DNASE1: variants seen among roughly 807,000 people sequenced by gnomAD.
DNASE1 encodes deoxyribonuclease-1.
Under a neutral mutation model 33.9 loss-of-function variants are expected in DNASE1, and 40 were observed. The ratio of observed to expected loss-of-function variants is 1.18; its 90% CI spans 0.92 to 1.54. The LOEUF (loss-of-function observed/expected upper bound fraction) is 1.54, where lower values mean the gene tolerates loss of function less well. Among genes scored for constraint, DNASE1 ranks in the 40% most tolerant of loss-of-function variants. DNASE1 has a pLI of 0.00. For missense variants in DNASE1, 518 were observed against 372.6 expected (o/e 1.39, Z -3.21); for synonymous variants, 216 against 160.0 (o/e 1.35, Z -2.64).
downstream of DNASE1, chr16:3,662,914 T>C: frequency 1.2e-6 from 2 of 1,613,356 alleles, no homozygotes; most frequent in Non-Finnish European, 1.7e-6. Context: ...CCCAGCACAT[T>C]TCTCATCCAG....
chr16:3,619,575 A>G (rs1434932782), intron 1 of DNASE1, among the ~76,000 whole-genome samples: 1 of 143,152 alleles, frequency 7.0e-6, no homozygotes, highest in Non-Finnish European at 1.5e-5. Flanking sequence ...GTTAGCCAGG[A>G]TGGTCTCTAT....
At chr16:3,645,981 C>CT (rs201036503) in intron 1 of DNASE1, among the ~76,000 whole-genome samples, 3,544 of 152,232 alleles carry the variant, frequency 0.023, 68 homozygotes, top group Non-Finnish European at 0.036. Context: ...CCTTTGTCCT[C>CT]TAAGATGCTC....
downstream of DNASE1, chr16:3,662,483 A>T: frequency 1.9e-6 from 1 of 520,752 alleles, no homozygotes; most frequent in Non-Finnish European, 3.5e-6. Flanking sequence ...TGAGCTAGAC[A>T]GGTTGGTGGG....
At chr16:3,645,734 T>A (rs1235437821) in intron 1 of DNASE1, among the ~76,000 whole-genome samples, 1 of 152,220 alleles carries the variant, frequency 6.6e-6, no homozygotes, top group Non-Finnish European at 1.5e-5. Context: ...GTGCAGCTGT[T>A]GTAAGTCTTT....
intron 1 of DNASE1, among the ~76,000 whole-genome samples, chr16:3,614,453 C>G (rs951456907): frequency 6.6e-6 from 1 of 152,230 alleles, no homozygotes; most frequent in Non-Finnish European, 1.5e-5. Context: ...GAAATAGGAA[C>G]AAGGAGAAAG....
intron 1 of DNASE1, among the ~76,000 whole-genome samples, chr16:3,628,895 G>T (rs1295076842): frequency 5.4e-4 from 79 of 147,528 alleles, no homozygotes; most frequent in Admixed American, 4.5e-3. Flanking sequence ...TTTTAGGCTG[G>T]GCGCAGTGGC....
rs529719321 is a variant in DNASE1 at position 3,646,568 on chromosome 16, C to T, written c.-86+3532C>T. 1.2e-4 allele frequency among the ~76,000 whole-genome samples: 19 copies of T among 152,202 alleles called. 1 individual carries two copies. Among genetic ancestry groups the T allele is most frequent in the Admixed American group, 1.2e-3 (18 of 15,274 alleles). ...AGCTGAAACTGGAATGACAAGAAGGCCCCAGCTCTGCAGGCAGAGCGGAAG... is the reference window on the plus strand; with the variant it reads ...AGCTGAAACTGGAATGACAAGAAGGTCCCAGCTCTGCAGGCAGAGCGGAAG... On this transcript the variant is annotated intron_variant, in intron 1 of 9. Coordinates refer to the DNASE1 transcript ENST00000407479.
intron 1 of DNASE1, among the ~76,000 whole-genome samples, chr16:3,613,140 C>T (rs1262780485): frequency 1.3e-5 from 2 of 152,104 alleles, no homozygotes; most frequent in East Asian, 1.9e-4. Context: ...CTCCGCAATT[C>T]CCCCGACCCC....
upstream of DNASE1, chr16:3,641,257 T>A (rs1343013981): frequency 1.1e-5 from 3 of 262,160 alleles, no homozygotes; most frequent in African/African-American, 2.2e-5. Context: ...CGCATTTACG[T>A]AGTGAGAGGT....
upstream of DNASE1, chr16:3,653,342 AT>A (rs1316948940): frequency 3.3e-5 from 5 of 152,192 alleles, no homozygotes; most frequent in African/African-American, 1.2e-4. Flanking sequence ...CATTTCTGTT[AT>A]TTTAAGCAAC....
Position 3,645,928 on chromosome 16 carries a change from A to T in DNASE1, c.-86+2892A>T, listed in dbSNP as rs1272812937. 3.3e-5 allele frequency among the ~76,000 whole-genome samples: 5 copies of T among 152,216 alleles called. 1 individual carries two copies. In the South Asian group the frequency reaches 1.0e-3, roughly 32 times the overall value. ...TGGGACATGGGGTTAAAACACTGTC[A>T]CGGCAAAGACACTGGCCTTTTACCT... On this transcript the variant is annotated intron_variant, in intron 1 of 9. Coordinates refer to the DNASE1 transcript ENST00000407479.
exon 10 of DNASE1, chr16:3,663,630 G>C: frequency 6.3e-7 from 1 of 1,596,714 alleles, no homozygotes; most frequent in Admixed American, 1.7e-5. Context: ...GAAAGGATGA[G>C]GGCGGCAGGA....
exon 10 of DNASE1, chr16:3,663,295 A>G (rs2050731015): frequency 3.2e-6 from 4 of 1,265,114 alleles, no homozygotes; most frequent in African/African-American, 3.0e-5. Context: ...TGCTCCCACA[A>G]GGCTCTTCTC....
chr16:3,637,538 G>T (rs1480874028), intron 1 of DNASE1, among the ~76,000 whole-genome samples: 1 of 152,164 alleles, frequency 6.6e-6, no homozygotes, highest in African/African-American at 2.4e-5. Context: ...TTTCTTTCCT[G>T]CCTGTGGAAG....
intron 1 of DNASE1, among the ~76,000 whole-genome samples, chr16:3,622,156 G>T (rs1442196410): frequency 6.8e-6 from 1 of 147,764 alleles, no homozygotes; most frequent in Non-Finnish European, 1.5e-5. Context: ...GAAGGTGGAG[G>T]TTGCAGTGAG....
Position 3,655,407 on chromosome 16 carries a change from G to A in DNASE1, c.34G>A (p.Ala12Thr), listed in dbSNP as rs1281433489. The A allele has an allele frequency of 1.2e-6, 2 of 1,614,098 alleles. No individual in the cohort carries two copies. The highest frequency in any genetic ancestry group is 2.7e-5 in the African/African-American group (2 of 75,072). The change falls in exon 2 of 9, where the codon GCA (alanine) becomes ACA (threonine). Residue 12 changes from alanine to threonine, a missense_variant. Coordinates refer to ENST00000246949, the MANE Select transcript of DNASE1 (RefSeq NM_005223.4). ...CATGAAGCTGCTGGGGGCGCTGCTGGCACTGGCGGCCCTACTGCAGGGGGC... is the reference window on the plus strand; with the variant it reads ...CATGAAGCTGCTGGGGGCGCTGCTGACACTGGCGGCCCTACTGCAGGGGGC... ...RGMKLLGALL[A>T]LAALLQGAVS...
At chr16:3,660,950 A>G (rs1023746697), downstream of DNASE1, 2 of 127,440 alleles carry the variant, frequency 1.6e-5, no homozygotes, top group African/African-American at 2.5e-5. Flanking sequence ...CTTAGGCTAC[A>G]TTGTGGGGGG....
chr16:3,648,954 A>T (rs1038956763), intron 1 of DNASE1, among the ~76,000 whole-genome samples: 2 of 152,120 alleles, frequency 1.3e-5, no homozygotes, highest in Non-Finnish European at 2.9e-5. Context: ...TTTGAAATCT[A>T]TTGATGAGCC....
exon 10 of DNASE1, chr16:3,664,725 C>G (rs1255594131): frequency 4.7e-6 from 2 of 427,952 alleles, no homozygotes; most frequent in Non-Finnish European, 8.3e-6. Context: ...GCACCACGCC[C>G]TGGGAGGGGA....
Sources: allele counts gnomAD v4.1 joint callset (sites outside exome capture counted in the v4.1 genomes callset), GRCh38; gene constraint gnomAD v4.1.1; transcripts MANE v1.5; gene names NCBI Gene and HGNC (gene_info 2026-07-23, HGNC 2026-07-21).